Variants in VTI1A observed in about 807,000 individuals in gnomAD.
The protein encoded by VTI1A is vesicle transport through interaction with t-SNAREs homolog 1A.
VTI1A carries 22 observed loss-of-function variants against 34.9 expected under a neutral mutation model. The ratio of observed to expected loss-of-function variants is 0.63; its 90% CI spans 0.45 to 0.90. The LOEUF is 0.90. Ranked by LOEUF, VTI1A falls within the 40% of genes least tolerant of loss-of-function variation. The pLI, the probability that VTI1A is intolerant of heterozygous loss-of-function variation, is 0.00. For synonymous variants in VTI1A, 87 were observed against 97.3 expected, an observed-to-expected ratio of 0.89 and a Z score of 0.62; for missense variants, 268 against 275.6, an observed-to-expected ratio of 0.97 and a Z score of 0.20.
chr10:112,753,624 TATTTTC>T (rs1851180746), intron 7 of VTI1A, among the ~76,000 whole-genome samples: 3 of 152,340 alleles, frequency 2.0e-5, no homozygotes, highest in South Asian at 4.1e-4. Flanking sequence ...GAAAATTAGC[TATTTTC>T]CCCTGGTAAG....
At chr10:112,528,728 G>A (rs1292152339) in intron 4 of VTI1A, among the ~76,000 whole-genome samples, 2 of 152,068 alleles carry the variant, frequency 1.3e-5, no homozygotes, top group East Asian at 1.9e-4. Flanking sequence ...TAGTTCCCAT[G>A]TCAGTTCTTT....
chr10:112,546,030 G>A (rs377604872), intron 5 of VTI1A, among the ~76,000 whole-genome samples: 1,837 of 128,014 alleles, frequency 0.014, 47 homozygotes, highest in South Asian at 0.022. Flanking sequence ...ACGTGTATAC[G>A]CGTATGTGTG....
At chr10:112,620,438 A>T (rs897936755) in intron 5 of VTI1A, among the ~76,000 whole-genome samples, 5 of 152,290 alleles carry the variant, frequency 3.3e-5, no homozygotes, top group Admixed American at 6.5e-5. Context: ...AGAGAGGAAG[A>T]AACAGATTCA....
At chr10:112,626,608 A>G (rs559894946) in intron 5 of VTI1A, among the ~76,000 whole-genome samples, 1 of 152,316 alleles carries the variant, frequency 6.6e-6, no homozygotes, top group Admixed American at 6.5e-5. Context: ...GAAAAAAGAA[A>G]TACAGACCAG....
the VTI1A span, among the ~76,000 whole-genome samples, chr10:112,833,036 G>A: frequency 1.3e-5 from 2 of 152,184 alleles, no homozygotes; most frequent in Admixed American, 6.5e-5. Flanking sequence ...CCCAGCCCTG[G>A]TCAAGACCTG....
At chr10:112,628,948 C>T (rs1365387695) in intron 5 of VTI1A, among the ~76,000 whole-genome samples, 2 of 152,032 alleles carry the variant, frequency 1.3e-5, no homozygotes, top group African/African-American at 4.8e-5. Flanking sequence ...TTCATTGACT[C>T]TCTTTGATAC....
chr10:112,686,858 A>C (rs183568966), intron 7 of VTI1A, among the ~76,000 whole-genome samples: 1 of 152,194 alleles, frequency 6.6e-6, no homozygotes, highest in African/African-American at 2.4e-5. Context: ...AAGGTACTAC[A>C]AACTATGTAT....
intron 3 of VTI1A, among the ~76,000 whole-genome samples, chr10:112,480,350 T>C (rs2134095048): frequency 6.6e-6 from 1 of 152,310 alleles, no homozygotes; most frequent in Middle Eastern, 3.4e-3. Context: ...TGTTTTGATA[T>C]AGATTACTAT....
At chr10:112,837,487 C>T in the VTI1A span, among the ~76,000 whole-genome samples, 2 of 152,210 alleles carry the variant, frequency 1.3e-5, no homozygotes, top group Non-Finnish European at 2.9e-5. Flanking sequence ...TCCCCCACAG[C>T]TCAATCAGAG....
chr10:112,638,376 G>A (rs911137907), intron 5 of VTI1A, among the ~76,000 whole-genome samples: 1 of 152,174 alleles, frequency 6.6e-6, no homozygotes, highest in Non-Finnish European at 1.5e-5. Flanking sequence ...GAAGTATCTT[G>A]TCTTGGTATA....
At chr10:112,545,993 CGTGT>C in intron 5 of VTI1A, among the ~76,000 whole-genome samples, 1 of 140,466 alleles carries the variant, frequency 7.1e-6, no homozygotes, top group Non-Finnish European at 1.5e-5. Context: ...TGTGTATATA[CGTGT>C]ATACGCGTAT....
chr10:112,810,563 TCCAGGTGA>T (rs1423021596), intron 7 of VTI1A, among the ~76,000 whole-genome samples: 1 of 152,110 alleles, frequency 6.6e-6, no homozygotes, highest in Non-Finnish European at 1.5e-5. Context: ...CACCAAACTG[TCCAGGTGA>T]CCCCGCATTT....
chr10:112,674,737 G>A (rs2133847902), intron 7 of VTI1A, among the ~76,000 whole-genome samples: 2 of 152,320 alleles, frequency 1.3e-5, no homozygotes, highest in Middle Eastern at 6.8e-3. Flanking sequence ...GAGGCAAACT[G>A]TGCTTAGTGA....
intron 3 of VTI1A, among the ~76,000 whole-genome samples, chr10:112,478,284 T>G (rs1435649450): frequency 6.6e-6 from 1 of 152,212 alleles, no homozygotes; most frequent in South Asian, 2.1e-4. Context: ...ATATTCATTC[T>G]GTGCTTCAGT....
At chr10:112,619,336 T>G (rs1845641451) in intron 5 of VTI1A, among the ~76,000 whole-genome samples, 1 of 152,046 alleles carries the variant, frequency 6.6e-6, no homozygotes, top group African/African-American at 2.4e-5. Context: ...CCCAGGTACC[T>G]GTAAGCACGT....
intron 5 of VTI1A, among the ~76,000 whole-genome samples, chr10:112,581,711 A>G (rs1362147455): frequency 6.6e-6 from 1 of 152,196 alleles, no homozygotes; most frequent in East Asian, 1.9e-4. Context: ...TCCTGTTAGC[A>G]AATAGCACTT....
intron 3 of VTI1A, among the ~76,000 whole-genome samples, chr10:112,468,858 G>A (rs1242276938): frequency 1.3e-5 from 2 of 152,268 alleles, no homozygotes; most frequent in East Asian, 1.9e-4. Context: ...CAGAGTTATC[G>A]TTAATTTTTC....
At chr10:112,447,559 C>T in intron 1 of VTI1A, 92 bp downstream of exon 1, 6 of 1,431,708 alleles carry the variant, frequency 4.2e-6, no homozygotes, top group South Asian at 1.2e-5. Flanking sequence ...GTCTATGAGG[C>T]GCGAGGCTGG....
At chr10:112,695,623 G>A (rs1336119703) in intron 7 of VTI1A, among the ~76,000 whole-genome samples, 3 of 152,150 alleles carry the variant, frequency 2.0e-5, no homozygotes, top group Non-Finnish European at 4.4e-5. Context: ...TCTTACACTG[G>A]AATCTCTGGG....
Sources: allele counts gnomAD v4.1 joint callset (sites outside exome capture counted in the v4.1 genomes callset), GRCh38; gene constraint gnomAD v4.1.1; transcripts MANE v1.5; gene names NCBI Gene and HGNC (gene_info 2026-07-23, HGNC 2026-07-21).